Variants in RIPOR3 observed in about 807,000 individuals in gnomAD.
The protein encoded by RIPOR3 is family with sequence similarity 65 member C.
In RIPOR3, 95 loss-of-function variants were observed where a neutral mutation model predicts 114.3. That is an observed-to-expected ratio of 0.83 (90% CI 0.70 to 0.99). The LOEUF is 0.99. Among genes scored for constraint, RIPOR3 ranks in the 50% least tolerant of loss-of-function variants. The pLI, the probability that RIPOR3 is intolerant of heterozygous loss-of-function variation, is 0.00. For missense variants in RIPOR3, 1,252 were observed against 1,266.9 expected (o/e 0.99, Z 0.18); for synonymous variants, 575 against 543.8 (o/e 1.06, Z -0.80).
intron 19 of RIPOR3, among the ~76,000 whole-genome samples, chr20:50,591,432 G>A (rs948244690): frequency 6.6e-5 from 10 of 152,138 alleles, no homozygotes; most frequent in Admixed American, 6.5e-4. Flanking sequence ...GGTTGATGGT[G>A]GTTGGGCTTG....
At chr20:50,679,104 C>CAAA (rs1215128742) in intron 1 of RIPOR3, among the ~76,000 whole-genome samples, 2 of 35,982 alleles carry the variant, frequency 5.6e-5, no homozygotes, top group Admixed American at 6.1e-4. Context: ...GATCCTGTCT[C>CAAA]AAAAAAAAAA....
At chr20:50,681,274 A>AG (rs1392855279) in intron 1 of RIPOR3, among the ~76,000 whole-genome samples, 60 of 34,682 alleles carry the variant, frequency 1.7e-3, no homozygotes, top group African/African-American at 2.5e-3. Context: ...ATAAGGCACT[A>AG]GAAAAAAAAA....
chr20:50,609,831 G>A (rs977623815), intron 6 of RIPOR3, 109 bp from the exon 7 acceptor site: 198 of 1,238,576 alleles, frequency 1.6e-4, no homozygotes, highest in Non-Finnish European at 1.9e-4. Flanking sequence ...TAAGCACCCC[G>A]CTAGCCCAGC....
intron 3 of RIPOR3, among the ~76,000 whole-genome samples, 161 bp downstream of exon 3, chr20:50,619,825 C>T (rs188533982): frequency 5.3e-5 from 8 of 152,318 alleles, no homozygotes; most frequent in Admixed American, 2.6e-4. Context: ...GGGCTGAGCA[C>T]GCGGCTGCAC....
At chr20:50,672,654 G>C (rs1308830945) in intron 1 of RIPOR3, among the ~76,000 whole-genome samples, 1 of 152,216 alleles carries the variant, frequency 6.6e-6, no homozygotes, top group Non-Finnish European at 1.5e-5. Context: ...GGACACAGGG[G>C]AAGGGTCAGG....
At chr20:50,678,273 AT>A (rs1355264668) in intron 1 of RIPOR3, among the ~76,000 whole-genome samples, 1 of 152,220 alleles carries the variant, frequency 6.6e-6, no homozygotes, top group Non-Finnish European at 1.5e-5. Context: ...ACATAAGGGC[AT>A]TCACCAGGAA....
intron 1 of RIPOR3, among the ~76,000 whole-genome samples, chr20:50,637,564 T>A (rs1026366916): frequency 5.3e-5 from 8 of 152,032 alleles, no homozygotes; most frequent in Admixed American, 6.6e-5. Flanking sequence ...TCTGTCTTTT[T>A]AAAAAAAAGT....
In RIPOR3 at chr20:50,602,673, C is replaced by T; in HGVS notation, c.1087-29G>A. ...GAGAGGGGACACGGGAGCGGCCTCA[C>T]CAGCCACCCCAGGGACCACAGCAAG... is the stretch of plus-strand genomic sequence containing the variant. On this transcript the variant is annotated intron_variant, in intron 12 of 21. Transcript: ENST00000327979. The surrounding 1 kb of genome is among the most constrained non-coding windows in gnomAD (Gnocchi z 4.3). 4.2e-6 allele frequency: 6 copies of T among 1,418,216 alleles called. No homozygotes were observed. The highest frequency in any genetic ancestry group is 5.6e-6 in the Non-Finnish European group (6 of 1,080,984). 87.9% of individuals were successfully genotyped at this position (1,418,216 alleles called of 1,614,324 possible).
At chr20:50,669,725 G>T (rs548441633) in intron 1 of RIPOR3, among the ~76,000 whole-genome samples, 2 of 152,098 alleles carry the variant, frequency 1.3e-5, no homozygotes, top group Non-Finnish European at 2.9e-5. Context: ...GGTCCCCTCC[G>T]GGCCAGGATG....
chr20:50,681,224 C>CAAA (rs752151661), intron 1 of RIPOR3, among the ~76,000 whole-genome samples: 5 of 47,636 alleles, frequency 1.0e-4, no homozygotes, highest in Non-Finnish European at 1.9e-4. Flanking sequence ...AACTCTGTCT[C>CAAA]AAAAAAAAAA....
chr20:50,611,356 A>G (rs2083972869), intron 4 of RIPOR3, 152 bp from the exon 5 acceptor site: 1 of 930,002 alleles, frequency 1.1e-6, no homozygotes, highest in Non-Finnish European at 1.7e-6. Context: ...TTCCTCTGCC[A>G]ACGGCAGACT....
chr20:50,672,372 G>A (rs2086543440), intron 1 of RIPOR3, among the ~76,000 whole-genome samples: 1 of 152,162 alleles, frequency 6.6e-6, no homozygotes, highest in African/African-American at 2.4e-5. Context: ...CAGTACTGAA[G>A]AGGAGGCATG....
chr20:50,680,126 C>T (rs1245888843), intron 1 of RIPOR3, among the ~76,000 whole-genome samples: 1 of 152,204 alleles, frequency 6.6e-6, no homozygotes, highest in Non-Finnish European at 1.5e-5. Flanking sequence ...GTCAGCACCC[C>T]CACCCTCCGC....
Position 50,592,610 on chromosome 20 carries a change from G to C in RIPOR3, c.2375-64C>G, listed in dbSNP as rs1026098400. On this transcript the variant is annotated intron_variant, in intron 18 of 21. Transcript: ENST00000327979. ...TGGGAGTTTGGCAGGACAGCTGCAAGTTTGCTTGGCTGCTGCCAGTAGCCA... is the reference window on the plus strand; with the variant it reads ...TGGGAGTTTGGCAGGACAGCTGCAACTTTGCTTGGCTGCTGCCAGTAGCCA... 63 of 1,360,426 alleles carry C rather than the reference G, an allele frequency of 4.6e-5. No individual in the cohort carries two copies. In the African/African-American group the frequency reaches 8.7e-4, roughly 19 times the overall value. The allele number at this position is 1,360,426 out of a possible 1,614,324, so 84.3% of individuals were successfully genotyped here. A position where few individuals can be genotyped will look rare whatever the true frequency, so the allele number is the denominator to read the frequency against.
rs779521133 is a variant in RIPOR3, at chr20:50,602,257, C to T, written c.1474G>A (p.Gly492Ser). Reference sequence around the variant, plus strand: ...CCGTTCTGGCTACTCGAGGCTGTGCCGCTGTGGAACAGGGAGCCCTGTGGC... The same window carrying T: ...CCGTTCTGGCTACTCGAGGCTGTGCTGCTGTGGAACAGGGAGCCCTGTGGC... ...SLPQGSLFHS[G>S]TASSSQNGHE... The change falls in exon 13 of 22, where the codon GGC becomes AGC. Residue 492 changes from glycine to serine, a missense_variant. Gly to Ser is a moderately conservative substitution (Grantham distance 56, BLOSUM62 0). Transcript: ENST00000327979. This position sits in a 1 kb window ranked among gnomAD's most constrained non-coding sequence, Gnocchi z 4.3. The T allele has an allele frequency of 1.4e-4, 222 of 1,613,970 alleles. No homozygotes were observed. In the Middle Eastern group the frequency reaches 1.7e-3, roughly 12 times the overall value.
intron 1 of RIPOR3, among the ~76,000 whole-genome samples, chr20:50,681,286 A>AT (rs2086853637): frequency 6.7e-6 from 1 of 150,328 alleles, no homozygotes; most frequent in Non-Finnish European, 1.5e-5. Context: ...AAAAAAAAAA[A>AT]CATATAATGA....
rs184817187 is a variant in RIPOR3, at chr20:50,651,973, G to A, written c.4-21117C>T. 6.0e-3 allele frequency among the ~76,000 whole-genome samples: 912 copies of A among 152,324 alleles called. 9 individuals carry two copies. The highest frequency in any genetic ancestry group is 0.021 in the African/African-American group (875 of 41,578). On this transcript the variant is annotated intron_variant, in intron 1 of 21. Coordinates refer to ENST00000327979, the MANE Select transcript of RIPOR3 (RefSeq NM_001290268.2). The stretch of plus-strand genomic sequence containing the variant: ...GTTATGTTATTGTGGACATGGCGGG[G>A]CAAAGACAAGACCTTAGGTCTTTGA...
At chr20:50,670,599 G>A (rs1441435117) in intron 1 of RIPOR3, among the ~76,000 whole-genome samples, 1 of 152,180 alleles carries the variant, frequency 6.6e-6, no homozygotes, top group Non-Finnish European at 1.5e-5. Context: ...TAAATGTACA[G>A]CATGGATATC....
rs2087018021 is a variant in RIPOR3, at chr20:50,686,221, T to C, written c.3+4905A>G. 2.0e-5 allele frequency among the ~76,000 whole-genome samples: 3 copies of C among 151,740 alleles called. No homozygotes were observed. In the South Asian group the frequency reaches 6.3e-4, roughly 32 times the overall value. ...ACAGGCGCCCACCACCATGCCCAGC[T>C]AATTTTTTGTATTTTTAGTAGAGAC... On this transcript the variant is annotated intron_variant, in intron 1 of 21. Coordinates refer to ENST00000327979, the MANE Select transcript of RIPOR3 (RefSeq NM_001290268.2).
Sources: gnomAD v4.1 joint callset for allele counts (sites outside exome capture counted in the v4.1 genomes callset) on GRCh38, gnomAD v4.1.1 for gene constraint, Gnocchi (gnomAD v3.1) non-coding constraint, MANE v1.5 for transcripts, NCBI Gene and HGNC (gene_info 2026-07-23, HGNC 2026-07-21) for gene names.